The following LOXHD1 variants were observed in gnomAD, a reference collection of about 807,000 sequenced individuals.
LOXHD1 encodes the protein lipoxygenase homology domain-containing protein 1.
In LOXHD1, 205 loss-of-function variants were observed where a neutral mutation model predicts 248.2. The ratio of observed to expected loss-of-function variants is 0.83; its 90% CI spans 0.74 to 0.93. The LOEUF is 0.93. Among genes scored for constraint, LOXHD1 ranks in the 40% least tolerant of loss-of-function variants. LOXHD1 has a pLI of 0.00. For missense variants in LOXHD1, 2,930 were observed against 2,971.6 expected (o/e 0.99, Z 0.33); for synonymous variants, 1,113 against 1,162.8 (o/e 0.96, Z 0.87).
chr18:46,592,405 A>T, intron 11 of LOXHD1, 93 bp downstream of exon 11: 1 of 1,102,506 alleles, frequency 9.1e-7, no homozygotes, highest in Non-Finnish European at 1.3e-6. Context: ...CACAATAAAT[A>T]CAGAGGCAAA....
At chr18:46,522,859 T>C (rs1321194815) in intron 31 of LOXHD1, among the ~76,000 whole-genome samples, 2 of 152,236 alleles carry the variant, frequency 1.3e-5, no homozygotes, top group Non-Finnish European at 2.9e-5. Context: ...AGAGTTGTAG[T>C]TTCCCACCAA....
At chr18:46,499,192 A>AT (rs1180290950) in intron 37 of LOXHD1, among the ~76,000 whole-genome samples, 1 of 152,246 alleles carries the variant, frequency 6.6e-6, no homozygotes, top group African/African-American at 2.4e-5. Context: ...AGTGCTAGAT[A>AT]TAGAGGTATG....
intron 38 of LOXHD1, among the ~76,000 whole-genome samples, chr18:46,488,246 T>C (rs950624088): frequency 6.6e-6 from 1 of 152,128 alleles, no homozygotes; most frequent in Non-Finnish European, 1.5e-5. Context: ...CAGAAGGAGC[T>C]TGGGTCCCTA....
intron 16 of LOXHD1, among the ~76,000 whole-genome samples, chr18:46,567,233 AC>A (rs1480341550): frequency 6.6e-6 from 1 of 152,112 alleles, no homozygotes; most frequent in Non-Finnish European, 1.5e-5. Flanking sequence ...GCCTTTGAGA[AC>A]CCTTCCAGCC....
intron 1 of LOXHD1, among the ~76,000 whole-genome samples, chr18:46,653,331 G>C (rs2039136688): frequency 2.0e-5 from 3 of 152,180 alleles, no homozygotes; most frequent in Non-Finnish European, 4.4e-5. Flanking sequence ...GGGTGTGAAG[G>C]AGCATTCTGG....
intron 14 of LOXHD1, among the ~76,000 whole-genome samples, chr18:46,575,902 C>G (rs572387765): frequency 6.6e-6 from 1 of 152,306 alleles, no homozygotes; most frequent in Non-Finnish European, 1.5e-5. Flanking sequence ...AAGAGTCTCC[C>G]TCGCCCTGCC....
intron 5 of LOXHD1, 61 bp from the exon 6 acceptor site, chr18:46,610,985 C>A: frequency 6.5e-7 from 1 of 1,533,928 alleles, no homozygotes; most frequent in Non-Finnish European, 8.8e-7. Flanking sequence ...ATTTCCAAGC[C>A]TTCATGGTCC....
intron 21 of LOXHD1, chr18:46,555,367 G>T: frequency 2.9e-6 from 1 of 341,060 alleles, no homozygotes; most frequent in South Asian, 2.4e-5. Flanking sequence ...TCAGGACCCT[G>T]GTTCCCAGCC....
At chr18:46,545,930 C>A (rs1040618847) in intron 22 of LOXHD1, among the ~76,000 whole-genome samples, 1 of 99,534 alleles carries the variant, frequency 1.0e-5, no homozygotes, top group South Asian at 4.5e-4. Context: ...CGCCTCTTGG[C>A]CATTTCTAAG....
intron 4 of LOXHD1, among the ~76,000 whole-genome samples, chr18:46,623,757 C>G (rs1280784027): frequency 6.6e-6 from 1 of 152,238 alleles, no homozygotes; most frequent in Non-Finnish European, 1.5e-5. Flanking sequence ...CCAGCCACCC[C>G]CACAGCCTCC....
Position 46,610,928 on chromosome 18 carries a change from T to C in LOXHD1, c.611-4A>G. The C allele has an allele frequency of 6.4e-7, 1 of 1,551,730 alleles. No homozygotes were observed. The highest frequency in any genetic ancestry group is 8.7e-7 in the Non-Finnish European group (1 of 1,146,964). On this transcript the variant is annotated splice_polypyrimidine_tract_variant and splice_region_variant and intron_variant, in intron 5 of 40. Transcript: ENST00000642948. ...TCATTTTCTAGCCTACGCTCCCCTG[T>C]ATGCACAGACATACAAAAGAAATTA...
At chr18:46,537,379 G>A (rs1297379323) in intron 26 of LOXHD1, among the ~76,000 whole-genome samples, 1 of 152,142 alleles carries the variant, frequency 6.6e-6, no homozygotes. Context: ...TAATTAAGTG[G>A]GTTAGCCTAT....
chr18:46,566,763 T>C (rs1434735641), intron 16 of LOXHD1, among the ~76,000 whole-genome samples: 1 of 152,214 alleles, frequency 6.6e-6, no homozygotes, highest in Non-Finnish European at 1.5e-5. Context: ...TACTTAATCA[T>C]GTTAGGTCAT....
At chr18:46,570,935 C>T (rs1258356433) in intron 15 of LOXHD1, among the ~76,000 whole-genome samples, 1 of 152,016 alleles carries the variant, frequency 6.6e-6, no homozygotes, top group Non-Finnish European at 1.5e-5. Flanking sequence ...GAAATAGGGG[C>T]TTGCTGGACT....
chr18:46,485,159 G>T lies in LOXHD1; in HGVS notation c.6050-8C>A. 1.3e-6 allele frequency: 2 copies of T among 1,548,674 alleles called. No individual in the cohort carries two copies. The highest frequency in any genetic ancestry group is 1.7e-6 in the Non-Finnish European group (2 of 1,145,418). ...CTATGACGATCTCGTAGGCTGTAAT[G>T]GAGGAGGTGGGGGAGGGTCAGCACA... is the stretch of plus-strand genomic sequence containing the variant. On this transcript the variant is annotated splice_polypyrimidine_tract_variant and splice_region_variant and intron_variant, in intron 38 of 40. Coordinates refer to ENST00000642948, the MANE Select transcript of LOXHD1 (RefSeq NM_001384474.1).
chr18:46,641,535 C>T (rs1342602375), intron 3 of LOXHD1, among the ~76,000 whole-genome samples: 2 of 152,208 alleles, frequency 1.3e-5, no homozygotes, highest in Non-Finnish European at 2.9e-5. Flanking sequence ...CTGTTCCAAG[C>T]ACTAACTCAT....
At chr18:46,543,842 G>A (rs1338332287) in intron 23 of LOXHD1, among the ~76,000 whole-genome samples, 1 of 152,178 alleles carries the variant, frequency 6.6e-6, no homozygotes, top group Non-Finnish European at 1.5e-5. Context: ...CAGTGACAAA[G>A]CCACACTCTC....
At position 46,521,306 on chromosome 18, in the gene LOXHD1, G is replaced by A. The variant is rs770278150; in HGVS notation, c.5086-24C>T. On this transcript the variant is annotated intron_variant, in intron 32 of 40. Coordinates refer to ENST00000642948, the MANE Select transcript of LOXHD1 (RefSeq NM_001384474.1). ...AGCTAGGAGGAGACACACCTGATCTGTGACGATCTGGGCACAACTGGGAAG... is the reference window on the plus strand; with the variant it reads ...AGCTAGGAGGAGACACACCTGATCTATGACGATCTGGGCACAACTGGGAAG... The A allele has an allele frequency of 7.7e-6, 12 of 1,551,312 alleles. No homozygotes were observed. The South Asian group carries it at 1.4e-4, about 18-fold the overall frequency.
chr18:46,560,620 A>C, intron 18 of LOXHD1, 75 bp from the exon 19 acceptor site: 42 of 1,324,764 alleles, frequency 3.2e-5, no homozygotes, highest in Non-Finnish European at 3.8e-5. Flanking sequence ...CCGCCCAACA[A>C]AGAGCCAGGC....
Sources: allele counts gnomAD v4.1 joint callset (sites outside exome capture counted in the v4.1 genomes callset), GRCh38; gene constraint gnomAD v4.1.1; transcripts MANE v1.5; gene names NCBI Gene and HGNC (gene_info 2026-07-23, HGNC 2026-07-21).